ARPP21: variants seen among roughly 807,000 people sequenced by gnomAD.
The protein encoded by ARPP21 is cAMP-regulated phosphoprotein 21.
A neutral mutation model predicts 113.2 loss-of-function variants in ARPP21; 69 were observed. The observed-to-expected ratio is 0.61, with a 90% CI of 0.50 to 0.74. The LOEUF (loss-of-function observed/expected upper bound fraction) is 0.74, where lower values mean the gene tolerates loss of function less well. Ranked by LOEUF, ARPP21 falls within the 30% of genes least tolerant of loss-of-function variation. The probability of loss-of-function intolerance (pLI) is 0.00; values close to 1 mark genes in which losing one functional copy is unlikely to be tolerated. For synonymous variants in ARPP21, 368 were observed against 375.5 expected (o/e 0.98, Z 0.23); for missense variants, 1,070 against 1,037.4 (o/e 1.03, Z -0.43).
At chr3:35,743,113 G>T (rs1179939618) in intron 18 of ARPP21, among the ~76,000 whole-genome samples, 1 of 152,080 alleles carries the variant, frequency 6.6e-6, no homozygotes, top group African/African-American at 2.4e-5. Flanking sequence ...CAATCATTCT[G>T]CAATGTGCTT....
intron 19 of ARPP21, among the ~76,000 whole-genome samples, chr3:35,762,096 CCTCT>C (rs373149403): frequency 0.016 from 2,198 of 136,014 alleles, 26 homozygotes; most frequent in Non-Finnish European, 0.019. Context: ...CTCTCTCTCT[CCTCT>C]CTCTCTCTCT....
Position 35,719,205 on chromosome 3 carries a change from C to T in ARPP21, c.995+1848C>T, listed in dbSNP as rs567441069. On this transcript the variant is annotated intron_variant, in intron 13 of 20. Coordinates refer to ENST00000684406, the MANE Select transcript of ARPP21 (RefSeq NM_001385562.1). ...ACAGATTTGGAATTCAATACTGGAC[C>T]GCACTTCAACACTGTTAAGATGATA... Among the ~76,000 whole-genome samples, 6 of 151,886 alleles carry T rather than the reference C, an allele frequency of 4.0e-5. No individual in the cohort carries two copies. In the East Asian group the frequency reaches 7.7e-4, roughly 20 times the overall value.
At chr3:35,645,541 A>G (rs574201151) in intron 1 of ARPP21, among the ~76,000 whole-genome samples, 1 of 152,008 alleles carries the variant, frequency 6.6e-6, no homozygotes, top group Non-Finnish European at 1.5e-5. Flanking sequence ...CAAATTCACA[A>G]AGCATATCTA....
chr3:35,702,986 G>C (rs1441710812), intron 9 of ARPP21, among the ~76,000 whole-genome samples: 1 of 151,700 alleles, frequency 6.6e-6, no homozygotes, highest in Non-Finnish European at 1.5e-5. Flanking sequence ...ACTTTATACT[G>C]TTGTGCATAG....
At chr3:35,689,017 C>A (rs1051713315) in intron 6 of ARPP21, among the ~76,000 whole-genome samples, 1 of 151,330 alleles carries the variant, frequency 6.6e-6, no homozygotes, top group Non-Finnish European at 1.5e-5. Context: ...AGAATGAACA[C>A]GTGATATTTG....
intron 9 of ARPP21, among the ~76,000 whole-genome samples, chr3:35,692,505 A>G (rs895359958): frequency 2.0e-5 from 3 of 151,550 alleles, no homozygotes; most frequent in Admixed American, 2.0e-4. Context: ...TTCTTTGTCT[A>G]TAAGGTCATA....
At position 35,708,987 on chromosome 3, in the gene ARPP21, T is replaced by TG; in HGVS notation, c.814_815insG (p.Phe272CysfsTer2). 1 of 1,613,576 alleles carries TG rather than the reference T, an allele frequency of 6.2e-7. No individual in the cohort carries two copies. Among genetic ancestry groups the TG allele is most frequent in the Non-Finnish European group, 8.5e-7 (1 of 1,179,650 alleles). On this transcript the variant is annotated frameshift_variant, in exon 11 of 21. Coordinates refer to ENST00000684406, the MANE Select transcript of ARPP21 (RefSeq NM_001385562.1). LOFTEE classifies it high-confidence loss of function. ...TGTTCAGCAAAACAGAATGCATCCA[T>TG]TTAGAGATGACAGACGAAGTAAATC...
intron 1 of ARPP21, among the ~76,000 whole-genome samples, chr3:35,670,665 C>T (rs2076111550): frequency 6.6e-6 from 1 of 152,088 alleles, no homozygotes; most frequent in African/African-American, 2.4e-5. Flanking sequence ...CACAAACAAA[C>T]ACACGCCAAT....
At chr3:35,762,122 T>TCACACACACA (rs1246202951) in intron 19 of ARPP21, among the ~76,000 whole-genome samples, 1 of 144,390 alleles carries the variant, frequency 6.9e-6, no homozygotes, top group African/African-American at 2.7e-5. Context: ...TCTCTCTCTC[T>TCACACACACA]CTCTCACACA....
intron 11 of ARPP21, among the ~76,000 whole-genome samples, chr3:35,710,003 G>A (rs2090520482): frequency 6.6e-6 from 1 of 152,190 alleles, no homozygotes; most frequent in Non-Finnish European, 1.5e-5. Context: ...AAAGTTTCAG[G>A]CCAAAGCCAG....
intron 14 of ARPP21, among the ~76,000 whole-genome samples, chr3:35,725,039 T>C (rs2093419958): frequency 6.6e-6 from 1 of 152,178 alleles, no homozygotes; most frequent in South Asian, 2.1e-4. Context: ...ATCTCTCTTT[T>C]TAGAGAGAGA....
At chr3:35,688,645 G>T (rs1248075422) in intron 6 of ARPP21, among the ~76,000 whole-genome samples, 4 of 151,562 alleles carry the variant, frequency 2.6e-5, no homozygotes, top group Non-Finnish European at 5.9e-5. Context: ...ACTGAGAAAT[G>T]ACAACCGCCT....
At chr3:35,720,827 T>G (rs929570386) in intron 13 of ARPP21, among the ~76,000 whole-genome samples, 1 of 152,246 alleles carries the variant, frequency 6.6e-6, no homozygotes, top group African/African-American at 2.4e-5. Flanking sequence ...TTACTCTTTT[T>G]TCTATTTGAA....
chr3:35,693,968 T>A (rs896516759), intron 9 of ARPP21, among the ~76,000 whole-genome samples: 1 of 151,610 alleles, frequency 6.6e-6, no homozygotes, highest in Non-Finnish European at 1.5e-5. Flanking sequence ...GAGGGTATTT[T>A]TGTTTACTAA....
At chr3:35,728,594 G>A (rs1293844175) in intron 14 of ARPP21, among the ~76,000 whole-genome samples, 1 of 150,748 alleles carries the variant, frequency 6.6e-6, no homozygotes, top group East Asian at 1.9e-4. Context: ...ACATTCAATG[G>A]TTTAAAGTTG....
At chr3:35,668,817 A>C (rs574315180) in intron 1 of ARPP21, among the ~76,000 whole-genome samples, 1 of 152,220 alleles carries the variant, frequency 6.6e-6, no homozygotes, top group Admixed American at 6.5e-5. Flanking sequence ...ACAGGATCTC[A>C]TTTTGTTCTT....
At chr3:35,684,736 A>G (rs867671603) in intron 5 of ARPP21, 15 of 984,998 alleles carry the variant, frequency 1.5e-5, no homozygotes, top group Middle Eastern at 1.0e-3. Flanking sequence ...AACAGAGAGC[A>G]TTGAGAGCAC....
At chr3:35,680,620 A>G (rs1256267704) in intron 2 of ARPP21, among the ~76,000 whole-genome samples, 1 of 151,940 alleles carries the variant, frequency 6.6e-6, no homozygotes, top group Non-Finnish European at 1.5e-5. Context: ...GTCTAGTAAT[A>G]ATTACCATTG....
chr3:35,667,960 GAA>G (rs2075087842), intron 1 of ARPP21, among the ~76,000 whole-genome samples: 1 of 59,002 alleles, frequency 1.7e-5, no homozygotes, highest in Non-Finnish European at 3.6e-5. Flanking sequence ...AGAAGAAGAA[GAA>G]GAAGAAGAAG....
Sources: gnomAD v4.1 joint callset for allele counts (sites outside exome capture counted in the v4.1 genomes callset) on GRCh38, gnomAD v4.1.1 for gene constraint, MANE v1.5 for transcripts, NCBI Gene and HGNC (gene_info 2026-07-23, HGNC 2026-07-21) for gene names.